Variants in LIFR observed in about 807,000 individuals in gnomAD.
The protein encoded by LIFR is leukemia inhibitory factor receptor.
In LIFR, 84 loss-of-function variants were observed where a neutral mutation model predicts 122.2. The observed-to-expected ratio is 0.69, with a 90% confidence interval of 0.58 to 0.82. LIFR has a LOEUF of 0.82. Among genes scored for constraint, LIFR ranks in the 40% least tolerant of loss-of-function variants. The probability of loss-of-function intolerance (pLI) is 0.00; values close to 1 mark genes in which losing one functional copy is unlikely to be tolerated. For missense variants in LIFR, 1,294 were observed against 1,311.6 expected (o/e 0.99, Z 0.21); for synonymous variants, 422 against 434.7 (o/e 0.97, Z 0.36).
At chr5:38,488,453 A>G (rs1285851183) in intron 16 of LIFR, among the ~76,000 whole-genome samples, 1 of 152,240 alleles carries the variant, frequency 6.6e-6, no homozygotes, top group East Asian at 1.9e-4. Context: ...GCAGCTATGA[A>G]TAAGAAATAT....
intron 9 of LIFR, among the ~76,000 whole-genome samples, chr5:38,505,390 T>C (rs1185281377): frequency 7.2e-6 from 1 of 139,496 alleles, no homozygotes; most frequent in Non-Finnish European, 1.5e-5. Flanking sequence ...TACCTATAAA[T>C]TGCATAGAAC....
chr5:38,477,006 A>G lies in LIFR; in HGVS notation c.*4589T>C, dbSNP rs1743755999. On this transcript the variant is annotated 3_prime_UTR_variant, in exon 20 of 20. Transcript: ENST00000453190. The stretch of plus-strand genomic sequence containing the variant: ...TTACAAGGATCTGGATATATTCTAG[A>G]CCAAATCACACTCCCTGAAACATTA... The G allele has an allele frequency of 8.9e-6, 2 of 224,232 alleles. No individual in the cohort carries two copies. The highest frequency in any genetic ancestry group is 1.3e-3 in the Middle Eastern group (1 of 744). 13.9% of individuals were successfully genotyped at this position (224,232 alleles called of 1,614,324 possible).
chr5:38,482,527 C>A, intron 19 of LIFR, 62 bp downstream of exon 19: 2 of 915,778 alleles, frequency 2.2e-6, no homozygotes, highest in East Asian at 2.5e-5. Context: ...AAAAACTTTT[C>A]ACAAAAGATT....
intron 2 of LIFR, among the ~76,000 whole-genome samples, chr5:38,602,073 G>A (rs903460143): frequency 6.6e-6 from 1 of 152,042 alleles, no homozygotes; most frequent in African/African-American, 2.4e-5. Flanking sequence ...ATTTCTTGGC[G>A]GCTCTTTATC....
chr5:38,482,231 T>G lies in LIFR; in HGVS notation c.2671-13A>C. Reference sequence around the variant, plus strand: ...GAGCACTGCTTCCCTAGAAATAAATTTAAACACAGTGATTAAAAATAGCAC... The same window carrying G: ...GAGCACTGCTTCCCTAGAAATAAATGTAAACACAGTGATTAAAAATAGCAC... On this transcript the variant is annotated splice_polypyrimidine_tract_variant and intron_variant, in intron 19 of 19. Coordinates refer to ENST00000453190, the MANE Select transcript of LIFR (RefSeq NM_001127671.2). 2 of 1,601,352 alleles carry G rather than the reference T, an allele frequency of 1.2e-6. No homozygotes were observed. The highest frequency in any genetic ancestry group is 1.7e-6 in the Non-Finnish European group (2 of 1,176,710).
intron 1 of LIFR, chr5:38,550,160 C>A: frequency 1.8e-6 from 1 of 552,784 alleles, no homozygotes. Flanking sequence ...AAAGTTATAA[C>A]AATTGAAACA....
intron 9 of LIFR, among the ~76,000 whole-genome samples, chr5:38,505,210 T>C (rs1038976090): frequency 6.6e-6 from 1 of 152,112 alleles, no homozygotes; most frequent in African/African-American, 2.4e-5. Context: ...ATTTTACTTA[T>C]GTAACAATCT....
At chr5:38,549,724 G>A (rs1247086685) in intron 1 of LIFR, among the ~76,000 whole-genome samples, 1 of 152,208 alleles carries the variant, frequency 6.6e-6, no homozygotes, top group Non-Finnish European at 1.5e-5. Context: ...CCAGGAGGCG[G>A]AGCTTGCAGT....
At chr5:38,513,596 T>C (rs926568156) in intron 5 of LIFR, among the ~76,000 whole-genome samples, 1 of 152,254 alleles carries the variant, frequency 6.6e-6, no homozygotes, top group African/African-American at 2.4e-5. Context: ...CTATGCCTTC[T>C]TCCTCTGCTC....
chr5:38,540,555 C>T (rs1222113428), intron 1 of LIFR, among the ~76,000 whole-genome samples: 1 of 152,164 alleles, frequency 6.6e-6, no homozygotes, highest in African/African-American at 2.4e-5. Context: ...CAAGAGCCAG[C>T]CAGATGAAAT....
At chr5:38,556,841 G>C (rs1338820106), upstream of LIFR, 1 of 151,092 alleles carries the variant, frequency 6.6e-6, no homozygotes, top group Non-Finnish European at 1.5e-5. Flanking sequence ...GGCCCCGGAC[G>C]CCGAGGGTGG....
chr5:38,584,568 A>G (rs1749687900), intron 1 of LIFR, among the ~76,000 whole-genome samples: 1 of 152,200 alleles, frequency 6.6e-6, no homozygotes, highest in South Asian at 2.1e-4. Context: ...TTGCCACAAC[A>G]TAAATGGACC....
intron 1 of LIFR, among the ~76,000 whole-genome samples, chr5:38,553,447 T>C (rs1748311313): frequency 1.3e-5 from 2 of 151,402 alleles, no homozygotes; most frequent in Non-Finnish European, 2.9e-5. Context: ...GGTCTGTCTG[T>C]CCTGTGCAGT....
At chr5:38,545,316 G>T (rs895590947) in intron 1 of LIFR, among the ~76,000 whole-genome samples, 1 of 151,826 alleles carries the variant, frequency 6.6e-6, no homozygotes, top group African/African-American at 2.4e-5. Context: ...ATGTACATAC[G>T]GTTTAACATA....
chr5:38,545,100 T>C (rs770239195), intron 1 of LIFR, among the ~76,000 whole-genome samples: 10 of 152,048 alleles, frequency 6.6e-5, no homozygotes, highest in African/African-American at 9.7e-5. Flanking sequence ...TGAAATCCCA[T>C]CTCTACTAAA....
At chr5:38,538,797 G>A (rs1747426839) in intron 1 of LIFR, among the ~76,000 whole-genome samples, 1 of 152,178 alleles carries the variant, frequency 6.6e-6, no homozygotes, top group Non-Finnish European at 1.5e-5. Flanking sequence ...GCTTTAAATA[G>A]CATCTATATC....
At chr5:38,516,740 A>G (rs1365078060) in intron 5 of LIFR, among the ~76,000 whole-genome samples, 2 of 152,196 alleles carry the variant, frequency 1.3e-5, no homozygotes, top group African/African-American at 4.8e-5. Context: ...TCATTCTACT[A>G]TAAAGACACA....
chr5:38,571,635 A>G (rs1336344348), intron 1 of LIFR, among the ~76,000 whole-genome samples: 1 of 151,968 alleles, frequency 6.6e-6, no homozygotes, highest in African/African-American at 2.4e-5. Flanking sequence ...ACATGACATT[A>G]CCAATTTTGT....
At chr5:38,489,667 A>G (rs1044953680) in intron 15 of LIFR, among the ~76,000 whole-genome samples, 1 of 152,076 alleles carries the variant, frequency 6.6e-6, no homozygotes, top group African/African-American at 2.4e-5. Context: ...GGACGAGTAA[A>G]ATTGTGAAAT....
Sources: gnomAD v4.1 joint callset for allele counts (sites outside exome capture counted in the v4.1 genomes callset) on GRCh38, gnomAD v4.1.1 for gene constraint, MANE v1.5 for transcripts, NCBI Gene and HGNC (gene_info 2026-07-23, HGNC 2026-07-21) for gene names.